The following GUCY1A1 variants were observed in gnomAD, a reference collection of about 807,000 sequenced individuals.
GUCY1A1 encodes guanylate cyclase 1 soluble subunit alpha 1.
A neutral mutation model predicts 64.5 loss-of-function variants in GUCY1A1; 48 were observed. That is an observed-to-expected ratio of 0.74 (90% CI 0.59 to 0.95). GUCY1A1 has a LOEUF of 0.95. GUCY1A1 is among the 40% of genes least tolerant of loss of function. The probability of loss-of-function intolerance (pLI) is 0.00; values close to 1 mark genes in which losing one functional copy is unlikely to be tolerated. For missense variants in GUCY1A1, 804 were observed against 825.3 expected (o/e 0.97, Z 0.32); for synonymous variants, 308 against 303.4 (o/e 1.02, Z -0.16).
At chr4:155,700,059 G>A (rs1413740695) in intron 3 of GUCY1A1, among the ~76,000 whole-genome samples, 1 of 152,088 alleles carries the variant, frequency 6.6e-6, no homozygotes, top group Non-Finnish European at 1.5e-5. Context: ...AAAACTCTCT[G>A]CATTTCATTC....
intron 2 of GUCY1A1, among the ~76,000 whole-genome samples, chr4:155,669,508 A>G (rs1485377149): frequency 6.6e-6 from 1 of 152,044 alleles, no homozygotes; most frequent in African/African-American, 2.4e-5. Flanking sequence ...ATTTATGGCA[A>G]TACCAAAAAC....
Position 155,731,549 on chromosome 4 carries a change from A to G in GUCY1A1, c.*1318A>G, listed in dbSNP as rs376825278. The G allele has an allele frequency of 1.3e-5, 2 of 151,914 alleles. No individual in the cohort carries two copies. The highest frequency in any genetic ancestry group is 3.9e-4 in the East Asian group (2 of 5,162). The allele number at this position is 151,914 out of a possible 1,614,324, so 9.4% of individuals were successfully genotyped here. ...TACATAAACATTTAAGCAGCTAGGAACTTTTAGTTTTAGTTAGGTCAGTTG... is the reference window on the plus strand; with the variant it reads ...TACATAAACATTTAAGCAGCTAGGAGCTTTTAGTTTTAGTTAGGTCAGTTG... On this transcript the variant is annotated 3_prime_UTR_variant, in exon 10 of 10. Transcript: ENST00000506455.
chr4:155,674,392 A>T (rs1412389182), intron 2 of GUCY1A1, among the ~76,000 whole-genome samples: 4 of 151,170 alleles, frequency 2.6e-5, no homozygotes, highest in Non-Finnish European at 4.4e-5. Context: ...AAAGAAACAA[A>T]GAAAACATGT....
intron 2 of GUCY1A1, among the ~76,000 whole-genome samples, chr4:155,672,008 T>C (rs1380080693): frequency 1.8e-5 from 2 of 109,330 alleles, no homozygotes; most frequent in African/African-American, 7.5e-5. Flanking sequence ...ATTCTACTCT[T>C]CCCCCCTCCG....
At chr4:155,699,688 G>C (rs1040140610) in intron 3 of GUCY1A1, among the ~76,000 whole-genome samples, 11 of 151,972 alleles carry the variant, frequency 7.2e-5, no homozygotes, top group African/African-American at 2.7e-4. Context: ...ATAAATACTT[G>C]TTATGTTTTT....
chr4:155,729,239 A>G (rs1389704747), intron 9 of GUCY1A1, among the ~76,000 whole-genome samples: 3 of 151,854 alleles, frequency 2.0e-5, no homozygotes, highest in East Asian at 3.9e-4. Flanking sequence ...AACATTTTTC[A>G]TCTATGGCCT....
intron 2 of GUCY1A1, among the ~76,000 whole-genome samples, chr4:155,674,640 G>T (rs1734638371): frequency 6.6e-6 from 1 of 151,414 alleles, no homozygotes. Context: ...AGGATCTTCA[G>T]TTTCACTGTC....
chr4:155,678,624 G>A (rs755004411), intron 2 of GUCY1A1, among the ~76,000 whole-genome samples: 22 of 152,198 alleles, frequency 1.4e-4, no homozygotes, highest in Admixed American at 5.2e-4. Flanking sequence ...ACCGGTATTT[G>A]TAGCCAGGGA....
Position 155,713,122 on chromosome 4 carries a change from A to G in GUCY1A1, c.1111A>G (p.Ile371Val), listed in dbSNP as rs1397762948. ...GGTTATGGACCTCAAAGGCCAAATG[A>G]TCTACATTGTTGAATCCAGTGCAAT... is the stretch of plus-strand genomic sequence containing the variant. ...SRVMDLKGQM[I>V]YIVESSAILF... The change falls in exon 7 of 10, where the codon ATC (isoleucine) becomes GTC (valine). Residue 371 changes from isoleucine (I) to valine (V), a missense_variant. Physicochemically the swap from Ile to Val is conservative, Grantham distance 29 (BLOSUM62 3). Coordinates refer to ENST00000506455, the MANE Select transcript of GUCY1A1 (RefSeq NM_001130682.3). 3 of 1,612,766 alleles carry G rather than the reference A, an allele frequency of 1.9e-6. No homozygotes were observed. The highest frequency in any genetic ancestry group is 2.2e-5 in the East Asian group (1 of 44,854).
At chr4:155,729,323 G>A (rs942299574) in intron 9 of GUCY1A1, among the ~76,000 whole-genome samples, 7 of 151,780 alleles carry the variant, frequency 4.6e-5, no homozygotes, top group African/African-American at 1.5e-4. Flanking sequence ...GGAAAGAGAT[G>A]CCAATAGCTT....
At chr4:155,701,844 A>AAT (rs778212428) in intron 3 of GUCY1A1, among the ~76,000 whole-genome samples, 3 of 151,814 alleles carry the variant, frequency 2.0e-5, no homozygotes, top group Admixed American at 6.6e-5. Flanking sequence ...AGAAGCAATT[A>AAT]ATATATATAT....
chr4:155,688,940 G>T (rs566129351), intron 2 of GUCY1A1, among the ~76,000 whole-genome samples: 7 of 151,912 alleles, frequency 4.6e-5, no homozygotes, highest in Admixed American at 2.6e-4. Flanking sequence ...CTATAAGACA[G>T]CCTTGAGTCT....
At chr4:155,688,642 A>G (rs1338202426) in intron 2 of GUCY1A1, among the ~76,000 whole-genome samples, 2 of 152,188 alleles carry the variant, frequency 1.3e-5, no homozygotes, top group Non-Finnish European at 2.9e-5. Context: ...TGATTAGTGT[A>G]GGAGTATTTC....
chr4:155,707,119 A>G (rs1731884635), intron 4 of GUCY1A1, among the ~76,000 whole-genome samples: 1 of 152,226 alleles, frequency 6.6e-6, no homozygotes, highest in Admixed American at 6.5e-5. Flanking sequence ...AATATATAAT[A>G]TTACTTAAAA....
intron 2 of GUCY1A1, among the ~76,000 whole-genome samples, chr4:155,687,737 A>G (rs1318630310): frequency 1.3e-5 from 2 of 152,180 alleles, no homozygotes; most frequent in East Asian, 1.9e-4. Flanking sequence ...GAGTTAGCAC[A>G]TGGTAGACGC....
intron 2 of GUCY1A1, among the ~76,000 whole-genome samples, chr4:155,695,795 T>C (rs1730329908): frequency 6.6e-6 from 1 of 152,182 alleles, no homozygotes; most frequent in Non-Finnish European, 1.5e-5. Flanking sequence ...TTAGCAAATA[T>C]GGGTTCTTTT....
intron 2 of GUCY1A1, among the ~76,000 whole-genome samples, chr4:155,690,082 G>A (rs1484954519): frequency 6.6e-6 from 1 of 152,172 alleles, no homozygotes; most frequent in African/African-American, 2.4e-5. Flanking sequence ...AAGAATTGGA[G>A]TAACCTAACT....
chr4:155,713,884 C>A (rs1320804710), intron 7 of GUCY1A1, among the ~76,000 whole-genome samples: 1 of 151,966 alleles, frequency 6.6e-6, no homozygotes, highest in Non-Finnish European at 1.5e-5. Flanking sequence ...GGGTGTAGGA[C>A]CTGTGAATAG....
At chr4:155,670,538 C>G (rs1734005431) in intron 2 of GUCY1A1, among the ~76,000 whole-genome samples, 1 of 152,122 alleles carries the variant, frequency 6.6e-6, no homozygotes, top group Admixed American at 6.5e-5. Context: ...GCTTCATCTT[C>G]CTATAGCCTC....
Sources: gnomAD v4.1 joint callset for allele counts (sites outside exome capture counted in the v4.1 genomes callset) on GRCh38, gnomAD v4.1.1 for gene constraint, MANE v1.5 for transcripts, NCBI Gene and HGNC (gene_info 2026-07-23, HGNC 2026-07-21) for gene names.